The following TMEFF2 variants were observed in gnomAD, a reference collection of about 807,000 sequenced individuals.
TMEFF2 encodes tomoregulin-2.
In TMEFF2, 28 loss-of-function variants were observed where a neutral mutation model predicts 53.8. That is an observed-to-expected ratio of 0.52 (90% CI 0.39 to 0.71). The LOEUF (loss-of-function observed/expected upper bound fraction) is 0.71, where lower values mean the gene tolerates loss of function less well. Ranked by LOEUF, TMEFF2 falls within the 30% of genes least tolerant of loss-of-function variation. TMEFF2 has a pLI of 0.00. For synonymous variants in TMEFF2, 162 were observed against 166.3 expected (o/e 0.97, Z 0.20); for missense variants, 353 against 455.2 (o/e 0.78, Z 2.04).
chr2:191,958,934 A>G (rs1462568496), intron 7 of TMEFF2, among the ~76,000 whole-genome samples: 4 of 152,222 alleles, frequency 2.6e-5, no homozygotes, highest in Admixed American at 6.5e-5. Flanking sequence ...TAGTAATGCA[A>G]TAGACATATT....
chr2:192,170,504 T>G (rs539073272), intron 4 of TMEFF2, among the ~76,000 whole-genome samples: 38 of 151,958 alleles, frequency 2.5e-4, no homozygotes, highest in Non-Finnish European at 4.9e-4. Flanking sequence ...GTTTGTGGCC[T>G]TCACCAAAAG....
chr2:191,967,337 G>T (rs1055340881), intron 7 of TMEFF2, among the ~76,000 whole-genome samples: 20 of 151,672 alleles, frequency 1.3e-4, no homozygotes, highest in African/African-American at 4.6e-4. Flanking sequence ...TATGTATATA[G>T]ATATATATAT....
rs10201470 is a variant in TMEFF2 at position 192,128,557 on chromosome 2, G to A, written c.439+51111C>T. 6.8e-3 allele frequency among the ~76,000 whole-genome samples: 1,034 copies of A among 152,252 alleles called. 8 individuals are homozygous for A. The highest frequency in any genetic ancestry group is 0.024 in the African/African-American group (998 of 41,554). ...ACAAGTGAAGTGTTGCCTTCTTATC[G>A]CAAGAAAAGAGTAGACAAACAGTAT... On this transcript the variant is annotated intron_variant, in intron 4 of 9. Coordinates refer to ENST00000272771, the MANE Select transcript of TMEFF2 (RefSeq NM_016192.4).
intron 5 of TMEFF2, among the ~76,000 whole-genome samples, chr2:192,025,429 C>G (rs1686950062): frequency 6.6e-6 from 1 of 151,220 alleles, no homozygotes; most frequent in African/African-American, 2.4e-5. Flanking sequence ...AACCAAAAAC[C>G]CAAACTTGCT....
At chr2:192,013,524 C>T (rs1320852712) in intron 5 of TMEFF2, among the ~76,000 whole-genome samples, 1 of 151,858 alleles carries the variant, frequency 6.6e-6, no homozygotes, top group Non-Finnish European at 1.5e-5. Context: ...AATCTCACTG[C>T]ACTGTAACCT....
chr2:191,973,356 A>T (rs187025678), intron 7 of TMEFF2, among the ~76,000 whole-genome samples: 27 of 152,176 alleles, frequency 1.8e-4, no homozygotes, highest in Admixed American at 1.7e-3. Context: ...TTTGTTTGAG[A>T]CTGCAACACT....
In TMEFF2 at chr2:191,950,230, C is replaced by CGGTGGTCGCCGTATCATTAAAAAAACAG; in HGVS notation, c.*80_*81insCTGTTTTTTTAATGATACGGCGACCACC. 6.5e-7 allele frequency: 1 copy of CGGTGGTCGCCGTATCATTAAAAAAACAG among 1,542,298 alleles called. No homozygotes were observed. Among genetic ancestry groups the CGGTGGTCGCCGTATCATTAAAAAAACAG allele is most frequent in the East Asian group, 2.3e-5 (1 of 43,236 alleles). On this transcript the variant is annotated 3_prime_UTR_variant, in exon 10 of 10. Transcript: ENST00000272771. ...AATGCAAGGCAACATGTGTAGATCTCTTGTCTTATTCTTTTGTCTATAATA... is the reference window on the plus strand; with the variant it reads ...AATGCAAGGCAACATGTGTAGATCTCGGTGGTCGCCGTATCATTAAAAAAACAGTTGTCTTATTCTTTTGTCTATAATA...
intron 2 of TMEFF2, among the ~76,000 whole-genome samples, chr2:192,189,920 T>C (rs1285925246): frequency 6.6e-6 from 1 of 152,198 alleles, no homozygotes; most frequent in Non-Finnish European, 1.5e-5. Flanking sequence ...ATAGCAGTAG[T>C]AGTACACTAG....
At chr2:191,963,320 AT>A (rs1342977132) in intron 7 of TMEFF2, among the ~76,000 whole-genome samples, 1 of 152,146 alleles carries the variant, frequency 6.6e-6, no homozygotes, top group Non-Finnish European at 1.5e-5. Context: ...TTTGGCCAAA[AT>A]TATTTGCTTG....
intron 5 of TMEFF2, among the ~76,000 whole-genome samples, chr2:192,040,478 C>T (rs565591882): frequency 6.6e-6 from 1 of 152,130 alleles, no homozygotes; most frequent in South Asian, 2.1e-4. Flanking sequence ...AAACTTGTTT[C>T]TGTTAATGTA....
chr2:192,061,392 A>G (rs528240038), intron 4 of TMEFF2, among the ~76,000 whole-genome samples: 1 of 152,132 alleles, frequency 6.6e-6, no homozygotes, highest in African/African-American at 2.4e-5. Context: ...AATAAAAAAT[A>G]ATAAAAAAAT....
chr2:191,983,149 A>G (rs1685894047), intron 7 of TMEFF2, among the ~76,000 whole-genome samples: 1 of 152,160 alleles, frequency 6.6e-6, no homozygotes, highest in Non-Finnish European at 1.5e-5. Context: ...AATAATAGAC[A>G]ATGGTAGATC....
intron 4 of TMEFF2, among the ~76,000 whole-genome samples, chr2:192,089,727 T>C (rs979141890): frequency 6.6e-6 from 1 of 152,184 alleles, no homozygotes; most frequent in Non-Finnish European, 1.5e-5. Context: ...CCAAGCTGTA[T>C]GACTTTACGT....
At chr2:192,139,323 T>C (rs1255844144) in intron 4 of TMEFF2, among the ~76,000 whole-genome samples, 1 of 152,198 alleles carries the variant, frequency 6.6e-6, no homozygotes, top group Non-Finnish European at 1.5e-5. Context: ...TTGTTAAATG[T>C]GGTAAAATGG....
chr2:192,124,578 T>C (rs1271013916), intron 4 of TMEFF2, among the ~76,000 whole-genome samples: 1 of 152,220 alleles, frequency 6.6e-6, no homozygotes, highest in East Asian at 1.9e-4. Context: ...GTTGTGAAAC[T>C]GCCAGGATCT....
chr2:192,159,599 A>C (rs1410472870), intron 4 of TMEFF2, among the ~76,000 whole-genome samples: 1 of 152,186 alleles, frequency 6.6e-6, no homozygotes, highest in Non-Finnish European at 1.5e-5. Context: ...AAAATTTGGT[A>C]ATACAAAAAA....
chr2:191,962,250 T>C lies in TMEFF2; in HGVS notation c.746-5872A>G, dbSNP rs540113439. ...TTTGCTAGTGAGGCAGTGGTATGGG[T>C]TGGGAACAGGATGGATGCAAACAAA... On this transcript the variant is annotated intron_variant, in intron 7 of 9. Transcript: ENST00000272771. Among the ~76,000 whole-genome samples the C allele has an allele frequency of 2.0e-3, 307 of 152,272 alleles. 2 individuals are homozygous for C. Among genetic ancestry groups the C allele is most frequent in the African/African-American group, 7.1e-3 (295 of 41,556 alleles).
chr2:192,056,266 A>G (rs188491780), intron 5 of TMEFF2, among the ~76,000 whole-genome samples: 55 of 152,236 alleles, frequency 3.6e-4, no homozygotes, highest in Middle Eastern at 3.4e-3. Flanking sequence ...ATATGTAAAA[A>G]AGAAAAAGAG....
chr2:192,004,450 A>G (rs1686449144), intron 5 of TMEFF2, among the ~76,000 whole-genome samples: 3 of 152,176 alleles, frequency 2.0e-5, no homozygotes, highest in Admixed American at 2.0e-4. Flanking sequence ...GTTTATTGCT[A>G]CATTAAACCA....
Sources: allele counts gnomAD v4.1 joint callset (sites outside exome capture counted in the v4.1 genomes callset), GRCh38; gene constraint gnomAD v4.1.1; transcripts MANE v1.5; gene names NCBI Gene and HGNC (gene_info 2026-07-23, HGNC 2026-07-21).